GABRR3: variants seen among roughly 807,000 people sequenced by gnomAD.
GABRR3 encodes the protein gamma-aminobutyric acid type A receptor subunit rho3, also known as gamma-aminobutyric acid receptor subunit rho-3.
Under a neutral mutation model 43.2 loss-of-function variants are expected in GABRR3, and 29 were observed. That is an observed-to-expected ratio of 0.67 (90% CI 0.50 to 0.92). The LOEUF (loss-of-function observed/expected upper bound fraction) is 0.92, where lower values mean the gene tolerates loss of function less well. GABRR3 is among the 40% of genes least tolerant of loss of function. The probability of loss-of-function intolerance (pLI) is 0.00; values close to 1 mark genes in which losing one functional copy is unlikely to be tolerated. For missense variants in GABRR3, 576 were observed against 572.3 expected, an observed-to-expected ratio of 1.01 and a Z score of -0.07; for synonymous variants, 206 against 195.9, an observed-to-expected ratio of 1.05 and a Z score of -0.43.
intron 3 of GABRR3, among the ~76,000 whole-genome samples, chr3:98,018,867 T>C (rs1706904549): frequency 6.6e-6 from 1 of 152,120 alleles, no homozygotes; most frequent in African/African-American, 2.4e-5. Flanking sequence ...CCCAGCACTT[T>C]GGCAGGCCGA....
At chr3:98,027,616 T>G (rs553537148) in intron 2 of GABRR3, among the ~76,000 whole-genome samples, 4 of 152,276 alleles carry the variant, frequency 2.6e-5, no homozygotes, top group Non-Finnish European at 5.9e-5. Context: ...TGTTCTAACT[T>G]GAGGGCTCTT....
At chr3:97,993,202 T>A (rs1706494625) in intron 8 of GABRR3, 154 bp from the exon 9 acceptor site, 1 of 191,490 alleles carries the variant, frequency 5.2e-6, no homozygotes, top group Non-Finnish European at 9.6e-6. Flanking sequence ...CTATATATCT[T>A]GAGCCTAAAC....
exon 8 of GABRR3, chr3:98,001,747 T>C (rs1169582825): frequency 6.2e-7 from 1 of 1,613,032 alleles, no homozygotes; most frequent in Non-Finnish European, 8.5e-7. Flanking sequence ...ACAAAGTTGA[T>C]GAAAAGCCTA....
At chr3:97,995,253 A>G (rs1387599584) in intron 8 of GABRR3, among the ~76,000 whole-genome samples, 2 of 152,210 alleles carry the variant, frequency 1.3e-5, no homozygotes, top group Non-Finnish European at 2.9e-5. Flanking sequence ...CTGGGATTAC[A>G]GGCATGAGCC....
chr3:97,993,333 C>T (rs1424634325), intron 8 of GABRR3, among the ~76,000 whole-genome samples: 1 of 152,122 alleles, frequency 6.6e-6, no homozygotes, highest in Non-Finnish European at 1.5e-5. Context: ...TGTTTTTCAC[C>T]CTCAGATGGG....
In GABRR3 at chr3:98,001,802, G is replaced by A. The variant is rs750020706; in HGVS notation, c.755-35C>T. 15 of 1,611,138 alleles carry A rather than the reference G, an allele frequency of 9.3e-6. No individual in the cohort carries two copies. In the South Asian group the frequency reaches 1.4e-4, roughly 15 times the overall value. ...AAAGCCAAAGTTTTCATTAGAGCAAGCTTCCCCTTAGAAACACTGCACTTA... is the reference window on the plus strand; with the variant it reads ...AAAGCCAAAGTTTTCATTAGAGCAAACTTCCCCTTAGAAACACTGCACTTA... On this transcript the variant is annotated intron_variant, in intron 7 of 9. Transcript: ENST00000621172.
downstream of GABRR3, chr3:97,986,531 A>C (rs1334805612): frequency 1.1e-5 from 6 of 560,958 alleles, no homozygotes; most frequent in Non-Finnish European, 1.8e-5. Flanking sequence ...ACTCTTTCTT[A>C]GATGTAAATC....
Position 98,026,435 on chromosome 3 carries a change from G to A in GABRR3, c.126-756C>T, listed in dbSNP as rs538570165. Among the ~76,000 whole-genome samples, 9 of 152,264 alleles carry A rather than the reference G, an allele frequency of 5.9e-5. No individual in the cohort carries two copies. In the East Asian group the frequency reaches 1.5e-3, roughly 26 times the overall value. On this transcript the variant is annotated intron_variant, in intron 2 of 9. Coordinates refer to ENST00000621172, the Ensembl canonical transcript of GABRR3. ...TCCCTGTGTCGGTGAGCTTGAGCAGGTTGCTGGACCTCCCTGATTTGTTTT... is the reference window on the plus strand; with the variant it reads ...TCCCTGTGTCGGTGAGCTTGAGCAGATTGCTGGACCTCCCTGATTTGTTTT...
rs772394553 is a variant in GABRR3, at chr3:98,025,562, C to T, written c.238+5G>A. On this transcript the variant is annotated splice_donor_5th_base_variant and intron_variant, in intron 3 of 9. Transcript: ENST00000621172. ...TGAAATGAATTTTGAGAGGATAATA[C>T]TCACCTCCAAATCCAGGTCTCATTG... 1 of 1,586,818 alleles carries T rather than the reference C, an allele frequency of 6.3e-7. No homozygotes were observed. Among genetic ancestry groups the T allele is most frequent in the Non-Finnish European group, 8.6e-7 (1 of 1,161,168 alleles).
intron 9 of GABRR3, among the ~76,000 whole-genome samples, chr3:97,988,691 G>A (rs1338613064): frequency 1.3e-5 from 2 of 151,054 alleles, no homozygotes; most frequent in African/African-American, 4.9e-5. Flanking sequence ...GTGGAGAGTG[G>A]TGGTGATATG....
At chr3:98,012,600 A>C (rs994383784) in intron 4 of GABRR3, 33 bp from the exon 5 acceptor site, 1 of 1,333,758 alleles carries the variant, frequency 7.5e-7, no homozygotes, top group Non-Finnish European at 1.1e-6. Context: ...CAAAAAAACC[A>C]GTAGGAATAT....
chr3:97,986,717 A>G (rs1282563415), exon 10 of GABRR3: 3 of 1,569,134 alleles, frequency 1.9e-6, no homozygotes, highest in Admixed American at 1.8e-5. Flanking sequence ...CAAATTAAAT[A>G]AAATATACAC....
intron 4 of GABRR3, among the ~76,000 whole-genome samples, chr3:98,013,418 T>A (rs1040110517): frequency 6.6e-6 from 1 of 152,204 alleles, no homozygotes; most frequent in Non-Finnish European, 1.5e-5. Context: ...GAATAGAAAC[T>A]CCCCCAGCTT....
chr3:98,010,969 A>T (rs832025), intron 5 of GABRR3, among the ~76,000 whole-genome samples: 9 of 151,984 alleles, frequency 5.9e-5, no homozygotes, highest in African/African-American at 2.2e-4. Flanking sequence ...GCATGGTGGC[A>T]GGCACCTGTG....
chr3:98,009,045 A>C lies in GABRR3; in HGVS notation c.531-7T>G. 6.3e-7 allele frequency: 1 copy of C among 1,585,080 alleles called. No individual in the cohort carries two copies. Among genetic ancestry groups the C allele is most frequent in the Non-Finnish European group, 8.6e-7 (1 of 1,162,180 alleles). The stretch of plus-strand genomic sequence containing the variant: ...CATGGCCGAAACCGTTATCCTATAA[A>C]AAGAATGAGAAAAAGAAAACTGCAG... On this transcript the variant is annotated splice_region_variant and splice_polypyrimidine_tract_variant and intron_variant, in intron 5 of 9. Coordinates refer to ENST00000621172, the Ensembl canonical transcript of GABRR3.
At chr3:98,009,315 G>C (rs1404529177) in intron 5 of GABRR3, among the ~76,000 whole-genome samples, 1 of 152,082 alleles carries the variant, frequency 6.6e-6, no homozygotes, top group Non-Finnish European at 1.5e-5. Context: ...GTATTTTCTG[G>C]CTCTGATGTC....
intron 8 of GABRR3, among the ~76,000 whole-genome samples, chr3:97,994,721 A>G (rs1706513786): frequency 6.6e-6 from 1 of 152,260 alleles, no homozygotes; most frequent in African/African-American, 2.4e-5. Flanking sequence ...TATCTAGGTA[A>G]ATAATTAGCC....
At chr3:98,013,465 T>G (rs1269722829) in intron 4 of GABRR3, among the ~76,000 whole-genome samples, 2 of 152,206 alleles carry the variant, frequency 1.3e-5, no homozygotes, top group Non-Finnish European at 2.9e-5. Context: ...TTACAATTTC[T>G]TACTTCCTAC....
chr3:98,003,218 G>C (rs1446816838), intron 7 of GABRR3, among the ~76,000 whole-genome samples: 1 of 152,034 alleles, frequency 6.6e-6, no homozygotes, highest in Non-Finnish European at 1.5e-5. Context: ...AGTGATGGCT[G>C]TAGAGTACAA....
Sources: allele counts gnomAD v4.1 joint callset (sites outside exome capture counted in the v4.1 genomes callset), GRCh38; gene constraint gnomAD v4.1.1; transcripts MANE v1.5; gene names NCBI Gene and HGNC (gene_info 2026-07-23, HGNC 2026-07-21).